BMP3: variants seen among roughly 807,000 people sequenced by gnomAD.
BMP3 encodes bone morphogenetic protein 3.
BMP3 carries 23 observed loss-of-function variants against 38.1 expected under a neutral mutation model. That is an observed-to-expected ratio of 0.60 (90% CI 0.43 to 0.86). The LOEUF (loss-of-function observed/expected upper bound fraction) is 0.86, where lower values mean the gene tolerates loss of function less well. Among genes scored for constraint, BMP3 ranks in the 40% least tolerant of loss-of-function variants. The pLI is 0.00. For missense variants in BMP3, 628 were observed against 579.6 expected, an observed-to-expected ratio of 1.08 and a Z score of -0.86; for synonymous variants, 258 against 225.7, an observed-to-expected ratio of 1.14 and a Z score of -1.28.
intron 1 of BMP3, among the ~76,000 whole-genome samples, chr4:81,034,209 G>C (rs532661312): frequency 1.1e-3 from 165 of 151,342 alleles, no homozygotes; most frequent in Middle Eastern, 0.01. Flanking sequence ...ATGCTATGTA[G>C]TTGGTGTGCC....
intron 2 of BMP3, among the ~76,000 whole-genome samples, chr4:81,050,392 C>A (rs1390254140): frequency 1.3e-5 from 2 of 152,178 alleles, no homozygotes; most frequent in Non-Finnish European, 2.9e-5. Flanking sequence ...AATACCCATA[C>A]AGTTAATGCC....
chr4:81,057,022 A>G lies in BMP3; in HGVS notation c.*3486A>G, dbSNP rs72870298. 6,731 of 152,650 alleles carry G rather than the reference A, an allele frequency of 0.044. 175 individuals are homozygous for G. The highest frequency in any genetic ancestry group is 0.07 in the African/African-American group (2,915 of 41,550). 9.5% of individuals were successfully genotyped at this position (152,650 alleles called of 1,614,324 possible). ...CACACCTGATGTGTAAGATTAAAGAAGAGATTAAATAAGAAATCTTGGGTA... is the reference window on the plus strand; with the variant it reads ...CACACCTGATGTGTAAGATTAAAGAGGAGATTAAATAAGAAATCTTGGGTA... On this transcript the variant is annotated 3_prime_UTR_variant, in exon 3 of 3. Coordinates refer to ENST00000282701, the MANE Select transcript of BMP3 (RefSeq NM_001201.5).
At chr4:81,041,562 T>C (rs1740078260) in intron 1 of BMP3, among the ~76,000 whole-genome samples, 1 of 152,188 alleles carries the variant, frequency 6.6e-6, no homozygotes, top group Non-Finnish European at 1.5e-5. Context: ...GGGCATAACA[T>C]AATGCCTTTG....
chr4:81,032,614 T>C (rs1174704888), intron 1 of BMP3, among the ~76,000 whole-genome samples: 1 of 152,238 alleles, frequency 6.6e-6, no homozygotes, highest in South Asian at 2.1e-4. Flanking sequence ...AGTTGAACAA[T>C]AGCCAAGAAT....
rs149231562 is a variant in BMP3, at chr4:81,046,195, C to T, written c.774C>T (p.Ser258=). The change falls in exon 2 of 3, where the codon AGC becomes AGT. Residue 258 remains serine (S), a synonymous_variant. Coordinates refer to ENST00000282701, the MANE Select transcript of BMP3 (RefSeq NM_001201.5). ...AISEPESVVS[S]LQGHRNFPTG... ...CTGAGCCAGAAAGTGTGGTATCAAG[C>T]TTACAGGGACACCGGAATTTTCCCA... The T allele has an allele frequency of 2.0e-5, 32 of 1,614,066 alleles. No individual in the cohort carries two copies. The highest frequency in any genetic ancestry group is 2.7e-5 in the African/African-American group (2 of 75,030).
chr4:81,051,139 C>T (rs1277282990), intron 2 of BMP3, among the ~76,000 whole-genome samples: 1 of 152,088 alleles, frequency 6.6e-6, no homozygotes, highest in Non-Finnish European at 1.5e-5. Context: ...CTCATATACT[C>T]ATAGTTTCTG....
At chr4:81,042,367 C>T (rs982407513) in intron 1 of BMP3, among the ~76,000 whole-genome samples, 16 of 152,290 alleles carry the variant, frequency 1.1e-4, no homozygotes, top group Admixed American at 2.6e-4. Flanking sequence ...AATTAATCCT[C>T]GCAACAACTC....
chr4:81,031,402 C>G lies in BMP3; in HGVS notation c.118C>G (p.Arg40Gly), dbSNP rs138962672. The G allele has an allele frequency of 5.0e-6, 8 of 1,613,604 alleles. No homozygotes were observed. Among genetic ancestry groups the G allele is most frequent in the Non-Finnish European group, 6.8e-6 (8 of 1,179,896 alleles). Residue 40 changes from arginine to glycine, a missense_variant, in exon 1 of 3, where the codon CGC (arginine) becomes GGC (glycine). Coordinates refer to ENST00000282701, the MANE Select transcript of BMP3 (RefSeq NM_001201.5). ...GCTCCGCAAAGCTGTGCCAGGTGAC[C>G]GCACGGCAGGTGGTGGCCCGGACTC... is the stretch of plus-strand genomic sequence containing the variant. ...PELRKAVPGD[R>G]TAGGGPDSEL...
chr4:81,031,124 G>A lies in BMP3; in HGVS notation c.-161G>A. The A allele has an allele frequency of 1.4e-6, 1 of 736,994 alleles. No individual in the cohort carries two copies. The highest frequency in any genetic ancestry group is 2.1e-6 in the Non-Finnish European group (1 of 467,534). The allele number at this position is 736,994 out of a possible 1,614,324, so 45.7% of individuals were successfully genotyped here. A position where few individuals can be genotyped will look rare whatever the true frequency, so the allele number is the denominator to read the frequency against. On this transcript the variant is annotated 5_prime_UTR_variant, in exon 1 of 3. Coordinates refer to ENST00000282701, the MANE Select transcript of BMP3 (RefSeq NM_001201.5). ...TGCGCTGGGTCAGCGCAGCAAGTGG[G>A]GCTGGCCGCTATCTCGCTGCACCCG...
At position 81,056,311 on chromosome 4, in the gene BMP3, ACAGT is replaced by A. The variant is rs1427275474; in HGVS notation, c.*2780_*2783del. 1 of 151,556 alleles carries A rather than the reference ACAGT, an allele frequency of 6.6e-6. No individual in the cohort carries two copies. The highest frequency in any genetic ancestry group is 1.5e-5 in the Non-Finnish European group (1 of 67,926). 9.4% of individuals were successfully genotyped at this position (151,556 alleles called of 1,614,324 possible). On this transcript the variant is annotated 3_prime_UTR_variant, in exon 3 of 3. Transcript: ENST00000282701. The stretch of plus-strand genomic sequence containing the variant: ...ATGCAGTGTGCACACACACACACAC[ACAGT>A]CAGTTACTGAAAAAAATAATTCTTT...
chr4:81,031,421 C>G lies in BMP3; in HGVS notation c.137C>G (p.Pro46Arg), dbSNP rs764321543. The G allele has an allele frequency of 8.7e-6, 14 of 1,613,698 alleles. 1 individual carries two copies. In the South Asian group the frequency reaches 1.2e-4, roughly 14 times the overall value. Residue 46 changes from proline to arginine, a missense_variant, in exon 1 of 3, where the codon CCG (proline) becomes CGG (arginine). By Grantham distance (103) the Pro-to-Arg change is moderately radical (BLOSUM62 -2). Transcript: ENST00000282701. ...VPGDRTAGGG[P>R]DSELQPQDKV... ...GGTGACCGCACGGCAGGTGGTGGCC[C>G]GGACTCCGAGCTGCAGCCGCAAGAC...
chr4:81,047,733 T>C (rs1740294790), intron 2 of BMP3, among the ~76,000 whole-genome samples: 1 of 152,088 alleles, frequency 6.6e-6, no homozygotes. Flanking sequence ...TAGCCAAGTG[T>C]AGCACTTGGT....
Position 81,032,206 on chromosome 4 carries a change from A to AAAC in BMP3, c.316+608_316+609insCAA, listed in dbSNP as rs908474158. On this transcript the variant is annotated intron_variant, in intron 1 of 2. Transcript: ENST00000282701. The stretch of plus-strand genomic sequence containing the variant: ...AGTTCCTTAGTGGCAAAAAAAAAAA[A>AAAC]AAAAAAAAAAAAAACAGGTGCTTGG... Among the ~76,000 whole-genome samples, 21 of 149,762 alleles carry AAAC rather than the reference A, an allele frequency of 1.4e-4. 1 individual carries two copies. The highest frequency in any genetic ancestry group is 1.8e-4 in the Non-Finnish European group (12 of 67,446).
chr4:81,052,578 G>A (rs953128577), intron 2 of BMP3, among the ~76,000 whole-genome samples: 14 of 152,042 alleles, frequency 9.2e-5, no homozygotes, highest in African/African-American at 3.4e-4. Context: ...ATAATTCCCA[G>A]AGGGAATTCC....
intron 1 of BMP3, 114 bp from the exon 2 acceptor site, chr4:81,045,624 T>A (rs976938111): frequency 1.1e-6 from 1 of 912,270 alleles, no homozygotes; most frequent in African/African-American, 1.7e-5. Flanking sequence ...TTTCCAAAAA[T>A]TTCATGGATT....
At position 81,031,482 on chromosome 4, in the gene BMP3, G is replaced by C. The variant is rs1560508986; in HGVS notation, c.198G>C (p.Arg66Ser). 2 of 1,613,210 alleles carry C rather than the reference G, an allele frequency of 1.2e-6. No homozygotes were observed. The highest frequency in any genetic ancestry group is 1.7e-6 in the Non-Finnish European group (2 of 1,179,670). Residue 66 changes from arginine (R) to serine (S), a missense_variant, in exon 1 of 3, where the codon AGG becomes AGC. Arg to Ser is a moderately radical substitution (Grantham distance 110). Transcript: ENST00000282701. ...VSEHMLRLYDRYSTVQAARTP... is the reference protein window; with the variant it reads ...VSEHMLRLYDSYSTVQAARTP... The stretch of plus-strand genomic sequence containing the variant: ...AACACATGCTGCGGCTCTATGACAG[G>C]TACAGCACGGTCCAGGCGGCCCGGA...
intron 2 of BMP3, among the ~76,000 whole-genome samples, chr4:81,051,391 T>C (rs549839116): frequency 1.3e-5 from 2 of 152,290 alleles, no homozygotes; most frequent in East Asian, 3.9e-4. Flanking sequence ...GGAACAGCAA[T>C]GCACAGGAGA....
chr4:81,057,061 T>A lies in BMP3; in HGVS notation c.*3525T>A, dbSNP rs1231809886. 1.3e-5 allele frequency: 2 copies of A among 152,560 alleles called. No homozygotes were observed. The highest frequency in any genetic ancestry group is 2.9e-5 in the Non-Finnish European group (2 of 68,000). 9.5% of individuals were successfully genotyped at this position (152,560 alleles called of 1,614,324 possible). ...AAATCTTGGGTAAGTTGGACTTTTCTGTATAGCTCTTTTTTCCTCTGAGTT... is the reference window on the plus strand; with the variant it reads ...AAATCTTGGGTAAGTTGGACTTTTCAGTATAGCTCTTTTTTCCTCTGAGTT... On this transcript the variant is annotated 3_prime_UTR_variant, in exon 3 of 3. Coordinates refer to ENST00000282701, the MANE Select transcript of BMP3 (RefSeq NM_001201.5).
Position 81,031,355 on chromosome 4 carries a change from G to C in BMP3, c.71G>C (p.Arg24Thr), listed in dbSNP as rs576053850. The change falls in exon 1 of 3, where the codon AGA becomes ACA. Residue 24 changes from arginine (R) to threonine (T), a missense_variant. By Grantham distance (71) the Arg-to-Thr change is moderately conservative. Coordinates refer to ENST00000282701, the MANE Select transcript of BMP3 (RefSeq NM_001201.5). ...CFCVSLAQGE[R>T]PKPPFPELRK... ...TGCGTGAGCCTGGCGCAGGGAGAGAGACCGAAGCCACCTTTCCCGGAGCTC... is the reference window on the plus strand; with the variant it reads ...TGCGTGAGCCTGGCGCAGGGAGAGACACCGAAGCCACCTTTCCCGGAGCTC... 6 of 1,612,688 alleles carry C rather than the reference G, an allele frequency of 3.7e-6. No individual in the cohort carries two copies. The highest frequency in any genetic ancestry group is 4.2e-6 in the Non-Finnish European group (5 of 1,179,634).
Sources: allele counts gnomAD v4.1 joint callset (sites outside exome capture counted in the v4.1 genomes callset), GRCh38; gene constraint gnomAD v4.1.1; transcripts MANE v1.5; gene names NCBI Gene and HGNC (gene_info 2026-07-23, HGNC 2026-07-21).